The following USP3 variants were observed in gnomAD, a reference collection of about 807,000 sequenced individuals.
The protein encoded by USP3 is ubiquitin specific peptidase 3, also known as ubiquitin carboxyl-terminal hydrolase 3.
A neutral mutation model predicts 72.3 loss-of-function variants in USP3; 20 were observed. The observed-to-expected ratio is 0.28, with a 90% confidence interval of 0.19 to 0.40. USP3 has a LOEUF of 0.40. Among genes scored for constraint, USP3 ranks in the 10% least tolerant of loss-of-function variants. The pLI is 1.00. For missense variants in USP3, 479 were observed against 633.9 expected (o/e 0.76, Z 2.62); for synonymous variants, 222 against 225.3 (o/e 0.99, Z 0.13).
chr15:63,585,567 A>G (rs2067041748), intron 11 of USP3, among the ~76,000 whole-genome samples: 1 of 152,126 alleles, frequency 6.6e-6, no homozygotes, highest in Non-Finnish European at 1.5e-5. Context: ...TTGATTTTGT[A>G]TCCTGTCTTT....
chr15:63,538,788 C>T (rs533624646), intron 3 of USP3, among the ~76,000 whole-genome samples: 4 of 151,942 alleles, frequency 2.6e-5, no homozygotes, highest in South Asian at 4.2e-4. Context: ...CCTCATGACC[C>T]GCCTGCCTCG....
intron 1 of USP3, among the ~76,000 whole-genome samples, chr15:63,506,896 C>T (rs1039473726): frequency 1.3e-5 from 2 of 152,104 alleles, no homozygotes; most frequent in African/African-American, 4.8e-5. Flanking sequence ...TGAATTGAAC[C>T]CATTTTATGT....
At chr15:63,526,414 T>C (rs113154391) in intron 1 of USP3, among the ~76,000 whole-genome samples, 2,938 of 152,332 alleles carry the variant, frequency 0.019, 37 homozygotes, top group Non-Finnish European at 0.028. Flanking sequence ...TGATGGTCTG[T>C]ACCTCATTGG....
In USP3 at chr15:63,540,056, G is replaced by A. The variant is rs2066221226; in HGVS notation, c.284+2900G>A. Among the ~76,000 whole-genome samples the A allele has an allele frequency of 1.3e-5, 2 of 152,156 alleles. 1 individual carries two copies. Among genetic ancestry groups the A allele is most frequent in the South Asian group, 4.1e-4 (2 of 4,830 alleles). ...TTTCTTGTGGTTAGACTGAATGATT[G>A]ATTTCAGAGGTAAAACATTGGTGCA... is the stretch of plus-strand genomic sequence containing the variant. On this transcript the variant is annotated intron_variant, in intron 3 of 14. Coordinates refer to ENST00000380324, the MANE Select transcript of USP3 (RefSeq NM_006537.4).
At chr15:63,573,836 G>A (rs1416843680) in intron 9 of USP3, among the ~76,000 whole-genome samples, 3 of 152,166 alleles carry the variant, frequency 2.0e-5, no homozygotes, top group Non-Finnish European at 2.9e-5. Context: ...GAGGGCATTG[G>A]GGGAGGCCAG....
In USP3 at chr15:63,592,005, CCCGAGTAG is replaced by C. The variant is rs1354056237; in HGVS notation, c.*1181_*1188del. 2.0e-5 allele frequency: 3 copies of C among 152,166 alleles called. No individual in the cohort carries two copies. The highest frequency in any genetic ancestry group is 7.2e-5 in the African/African-American group (3 of 41,422). 9.4% of individuals were successfully genotyped at this position (152,166 alleles called of 1,614,324 possible). ...TCTCAGCTCATTGCAACCTCGGCCT[CCCGAGTAG>C]CAATTCTCCTGCCTCAACCTCCTGA... On this transcript the variant is annotated 3_prime_UTR_variant, in exon 15 of 15. Transcript: ENST00000380324.
At chr15:63,558,565 G>A (rs2066550565) in intron 6 of USP3, among the ~76,000 whole-genome samples, 2 of 148,982 alleles carry the variant, frequency 1.3e-5, no homozygotes, top group South Asian at 2.1e-4. Context: ...CCACCCCCCC[G>A]CTCTTTATTA....
chr15:63,505,608 A>G (rs1335782901), intron 1 of USP3, among the ~76,000 whole-genome samples: 6 of 151,662 alleles, frequency 4.0e-5, no homozygotes, highest in Non-Finnish European at 8.8e-5. Context: ...TTAGATTTAT[A>G]TAAGGCTTTT....
chr15:63,546,536 C>T (rs958607819), intron 3 of USP3, among the ~76,000 whole-genome samples: 2 of 152,150 alleles, frequency 1.3e-5, no homozygotes, highest in Admixed American at 6.5e-5. Context: ...AGCTTCAATA[C>T]AACTGTAGCG....
chr15:63,540,574 G>A (rs2066230124), intron 3 of USP3, among the ~76,000 whole-genome samples: 1 of 152,116 alleles, frequency 6.6e-6, no homozygotes, highest in African/African-American at 2.4e-5. Flanking sequence ...CATTTTTCCT[G>A]CAGACAACTT....
intron 2 of USP3, chr15:63,533,805 T>C (rs1182349795): frequency 8.1e-7 from 1 of 1,227,134 alleles, no homozygotes; most frequent in Non-Finnish European, 1.1e-6. Context: ...ATCTCTAGGA[T>C]TTGGGGAACC....
intron 1 of USP3, among the ~76,000 whole-genome samples, chr15:63,527,613 G>A (rs1349642691): frequency 6.6e-6 from 1 of 152,212 alleles, no homozygotes; most frequent in Non-Finnish European, 1.5e-5. Flanking sequence ...GGATATTGAA[G>A]ATCAGTGGCT....
intron 6 of USP3, among the ~76,000 whole-genome samples, chr15:63,558,786 A>G (rs1595747265): frequency 6.6e-6 from 1 of 152,190 alleles, no homozygotes; most frequent in South Asian, 2.1e-4. Flanking sequence ...GAGGCAGGAG[A>G]ATCGCTTGAA....
intron 1 of USP3, among the ~76,000 whole-genome samples, chr15:63,510,980 T>C (rs1341433412): frequency 6.6e-6 from 1 of 152,134 alleles, no homozygotes; most frequent in Admixed American, 6.6e-5. Context: ...TTTTAACTGC[T>C]GTGAGTCTGC....
intron 4 of USP3, among the ~76,000 whole-genome samples, chr15:63,554,956 C>G (rs2066487439): frequency 3.9e-5 from 6 of 152,124 alleles, no homozygotes; most frequent in Admixed American, 3.9e-4. Context: ...AAACTGTTCA[C>G]AATAAACATG....
intron 11 of USP3, among the ~76,000 whole-genome samples, chr15:63,576,608 C>T (rs1246831880): frequency 2.0e-5 from 3 of 152,154 alleles, no homozygotes; most frequent in African/African-American, 7.2e-5. Context: ...TGCCTTGCAT[C>T]CCACGGAGTA....
chr15:63,580,837 C>G (rs1166890214), intron 11 of USP3, among the ~76,000 whole-genome samples: 2 of 151,850 alleles, frequency 1.3e-5, no homozygotes, highest in East Asian at 3.9e-4. Context: ...GAGATGGAGT[C>G]TTGCTCTGTC....
chr15:63,588,119 C>A lies in USP3; in HGVS notation c.1097-186C>A. The A allele has an allele frequency of 2.1e-6, 1 of 470,320 alleles. No individual in the cohort carries two copies. Among genetic ancestry groups the A allele is most frequent in the Non-Finnish European group, 3.7e-6 (1 of 268,106 alleles). 29.1% of individuals were successfully genotyped at this position (470,320 alleles called of 1,614,324 possible). Reference sequence around the variant, plus strand: ...GCCAGGTGCTCTACACATTATTTCTCTTCCTTATAATAGTTCTTCAAAGTA... The same window carrying A: ...GCCAGGTGCTCTACACATTATTTCTATTCCTTATAATAGTTCTTCAAAGTA... On this transcript the variant is annotated intron_variant, in intron 11 of 14. Transcript: ENST00000380324. The surrounding 1 kb of genome is among the most constrained non-coding windows in gnomAD (Gnocchi z 4.6).
chr15:63,591,490 T>TGGTTTTGGGGCATACTTGTTTGCGGGGAG lies in USP3; in HGVS notation c.*666_*694dup, dbSNP rs2067198869. 6.6e-6 allele frequency: 1 copy of TGGTTTTGGGGCATACTTGTTTGCGGGGAG among 152,248 alleles called. No individual in the cohort carries two copies. Among genetic ancestry groups the TGGTTTTGGGGCATACTTGTTTGCGGGGAG allele is most frequent in the Admixed American group, 6.5e-5 (1 of 15,284 alleles). The allele number at this position is 152,248 out of a possible 1,614,324, so 9.4% of individuals were successfully genotyped here. On this transcript the variant is annotated 3_prime_UTR_variant, in exon 15 of 15. Coordinates refer to ENST00000380324, the MANE Select transcript of USP3 (RefSeq NM_006537.4). Reference sequence around the variant, plus strand: ...GAATTACTCTCTTTGTTGGTTTTTTTGGTTTTGGGGCATACTTGTTTGCGG... The same window carrying TGGTTTTGGGGCATACTTGTTTGCGGGGAG: ...GAATTACTCTCTTTGTTGGTTTTTTTGGTTTTGGGGCATACTTGTTTGCGGGGAGGGTTTTGGGGCATACTTGTTTGCGG...
Sources: gnomAD v4.1 joint callset for allele counts (sites outside exome capture counted in the v4.1 genomes callset) on GRCh38, gnomAD v4.1.1 for gene constraint, Gnocchi (gnomAD v3.1) non-coding constraint, MANE v1.5 for transcripts, NCBI Gene and HGNC (gene_info 2026-07-23, HGNC 2026-07-21) for gene names.